The following SLC9A9 variants were observed in gnomAD, a reference collection of about 807,000 sequenced individuals.
SLC9A9 encodes the protein sodium/hydrogen exchanger 9.
A neutral mutation model predicts 77.8 loss-of-function variants in SLC9A9; 62 were observed. The observed-to-expected ratio is 0.80, with a 90% CI of 0.65 to 0.98. The LOEUF is 0.98. Among genes scored for constraint, SLC9A9 ranks in the 50% least tolerant of loss-of-function variants. SLC9A9 has a pLI of 0.00. For missense variants in SLC9A9, 775 were observed against 774.9 expected (o/e 1.00, Z 0.00); for synonymous variants, 320 against 283.5 (o/e 1.13, Z -1.29).
At chr3:143,823,703 T>A (rs1324674538) in intron 2 of SLC9A9, among the ~76,000 whole-genome samples, 1 of 151,400 alleles carries the variant, frequency 6.6e-6, no homozygotes, top group Non-Finnish European at 1.5e-5. Flanking sequence ...TAAAAAAGAT[T>A]TCAGAAAAGA....
intron 13 of SLC9A9, among the ~76,000 whole-genome samples, chr3:143,380,624 T>C (rs1249035672): frequency 1.3e-5 from 2 of 152,186 alleles, no homozygotes; most frequent in Non-Finnish European, 2.9e-5. Flanking sequence ...CTGGCTCTAA[T>C]CCCAGTGCTT....
Position 143,574,072 on chromosome 3 carries a change from A to G in SLC9A9, c.1000+16T>C. 6.2e-7 allele frequency: 1 copy of G among 1,608,966 alleles called. No individual in the cohort carries two copies. The highest frequency in any genetic ancestry group is 2.2e-5 in the East Asian group (1 of 44,760). On this transcript the variant is annotated intron_variant, in intron 8 of 15. Transcript: ENST00000316549. ...TATTCACACATCCAGTTGGCTGTGCAGCATGAAGCACTGACCTGTTAGGCC... is the reference window on the plus strand; with the variant it reads ...TATTCACACATCCAGTTGGCTGTGCGGCATGAAGCACTGACCTGTTAGGCC...
At position 143,626,159 on chromosome 3, in the gene SLC9A9, CT is replaced by C. The variant is rs559343794; in HGVS notation, c.755+26095del. On this transcript the variant is annotated intron_variant, in intron 6 of 15. Coordinates refer to ENST00000316549, the MANE Select transcript of SLC9A9 (RefSeq NM_173653.4). ...GTGGAGAAATAGGAACACTTTTATG[CT>C]GTTGGTGGGACTGTAAACTAGTTCA... 6.3e-3 allele frequency among the ~76,000 whole-genome samples: 955 copies of C among 152,328 alleles called. 12 individuals carry two copies. Among genetic ancestry groups the C allele is most frequent in the African/African-American group, 0.022 (907 of 41,560 alleles).
At chr3:143,521,309 A>G (rs1216829808) in intron 9 of SLC9A9, among the ~76,000 whole-genome samples, 1 of 152,138 alleles carries the variant, frequency 6.6e-6, no homozygotes, top group Non-Finnish European at 1.5e-5. Context: ...GGAAGGGGTC[A>G]CTCAAAGGGG....
rs553928212 is a variant in SLC9A9, at chr3:143,503,222, A to T, written c.1090-7774T>A. On this transcript the variant is annotated intron_variant, in intron 9 of 15. Transcript: ENST00000316549. Reference sequence around the variant, plus strand: ...GGGTACTAAGTGGGGCAGGGACTGCACAGCAGCTGAGGGCCTCTCTTTTAC... The same window carrying T: ...GGGTACTAAGTGGGGCAGGGACTGCTCAGCAGCTGAGGGCCTCTCTTTTAC... The T allele has an allele frequency of 5.9e-5, 13 of 218,642 alleles. 1 individual carries two copies. The South Asian group carries it at 7.5e-4, about 13-fold the overall frequency. 13.5% of individuals were successfully genotyped at this position (218,642 alleles called of 1,614,324 possible).
intron 2 of SLC9A9, among the ~76,000 whole-genome samples, chr3:143,805,279 T>A (rs2008680005): frequency 6.6e-6 from 1 of 151,990 alleles, no homozygotes; most frequent in East Asian, 1.9e-4. Flanking sequence ...CCCCACAATA[T>A]CACCCCTTAC....
chr3:143,456,081 C>G (rs2035085982), intron 12 of SLC9A9, among the ~76,000 whole-genome samples: 1 of 151,802 alleles, frequency 6.6e-6, no homozygotes, highest in Admixed American at 6.6e-5. Context: ...AGGAAGTTTT[C>G]TCTTATTCCT....
intron 12 of SLC9A9, among the ~76,000 whole-genome samples, chr3:143,408,744 C>T (rs185198120): frequency 6.6e-6 from 1 of 151,964 alleles, no homozygotes; most frequent in African/African-American, 2.4e-5. Context: ...TCATAACAAG[C>T]AAGTAATGTT....
chr3:143,305,416 C>T (rs1401695188), intron 14 of SLC9A9, among the ~76,000 whole-genome samples: 1 of 152,152 alleles, frequency 6.6e-6, no homozygotes, highest in Non-Finnish European at 1.5e-5. Flanking sequence ...GAGGAACAGG[C>T]ACAGAGAAGG....
chr3:143,354,231 C>T (rs536085312), intron 14 of SLC9A9, among the ~76,000 whole-genome samples: 4 of 152,316 alleles, frequency 2.6e-5, no homozygotes, highest in African/African-American at 4.8e-5. Flanking sequence ...GTTACGAAAT[C>T]GCTGTTCCTC....
intron 14 of SLC9A9, among the ~76,000 whole-genome samples, chr3:143,285,708 T>G (rs1938363306): frequency 6.6e-6 from 1 of 152,222 alleles, no homozygotes; most frequent in Non-Finnish European, 1.5e-5. Flanking sequence ...GCATGATTCA[T>G]GGGGCTCGGA....
intron 6 of SLC9A9, among the ~76,000 whole-genome samples, chr3:143,590,532 TTAA>T (rs1357790391): frequency 6.6e-6 from 1 of 152,222 alleles, no homozygotes; most frequent in African/African-American, 2.4e-5. Flanking sequence ...CATCTTTTTC[TTAA>T]TAAGTCCTAT....
At chr3:143,467,727 A>AAG (rs111531862) in intron 11 of SLC9A9, among the ~76,000 whole-genome samples, 31,520 of 144,654 alleles carry the variant, frequency 0.22, 3,766 homozygotes, top group East Asian at 0.47. Flanking sequence ...CCTGGCTCTA[A>AAG]AGAGAGAGAG....
intron 4 of SLC9A9, among the ~76,000 whole-genome samples, chr3:143,733,928 G>A (rs1934873625): frequency 6.6e-6 from 1 of 152,142 alleles, no homozygotes; most frequent in Non-Finnish European, 1.5e-5. Context: ...TGGGCACAGT[G>A]GCTAATACCT....
chr3:143,527,705 T>G (rs2036428292), intron 9 of SLC9A9, among the ~76,000 whole-genome samples: 1 of 152,156 alleles, frequency 6.6e-6, no homozygotes. Flanking sequence ...GACTCAAGAC[T>G]CTTCAAGACT....
At chr3:143,747,459 C>G (rs1196038164) in intron 4 of SLC9A9, among the ~76,000 whole-genome samples, 1 of 148,530 alleles carries the variant, frequency 6.7e-6, no homozygotes, top group Non-Finnish European at 1.5e-5. Flanking sequence ...GGTGAAAAAT[C>G]TTGAGATAAG....
intron 2 of SLC9A9, among the ~76,000 whole-genome samples, chr3:143,825,630 A>G (rs2009277339): frequency 6.6e-6 from 1 of 152,190 alleles, no homozygotes; most frequent in African/African-American, 2.4e-5. Context: ...AAAGAATAGA[A>G]AGGACAGATT....
intron 14 of SLC9A9, among the ~76,000 whole-genome samples, chr3:143,287,172 T>C (rs1417221465): frequency 6.6e-6 from 1 of 152,006 alleles, no homozygotes; most frequent in Admixed American, 6.6e-5. Context: ...GGCCCAAGAA[T>C]GCTCAGCAAG....
chr3:143,356,553 CT>C (rs1455422318), intron 14 of SLC9A9, among the ~76,000 whole-genome samples: 1 of 152,136 alleles, frequency 6.6e-6, no homozygotes, highest in African/African-American at 2.4e-5. Flanking sequence ...TAGGATCTCA[CT>C]TTGTTGCCCA....
Sources: gnomAD v4.1 joint callset for allele counts (sites outside exome capture counted in the v4.1 genomes callset) on GRCh38, gnomAD v4.1.1 for gene constraint, MANE v1.5 for transcripts, NCBI Gene and HGNC (gene_info 2026-07-23, HGNC 2026-07-21) for gene names.